Variants in SNX3 observed in about 807,000 individuals in gnomAD.
SNX3 encodes sorting nexin 3.
SNX3 carries 5 observed loss-of-function variants against 17.7 expected under a neutral mutation model. The observed-to-expected ratio is 0.28, with a 90% CI of 0.15 to 0.59. The LOEUF is 0.59. SNX3 is among the 20% of genes least tolerant of loss of function. The pLI is 0.88. For synonymous variants in SNX3, 91 were observed against 76.5 expected (o/e 1.19, Z -0.99); for missense variants, 132 against 206.8 (o/e 0.64, Z 2.22).
chr6:108,235,493 T>C (rs896487218), intron 1 of SNX3, among the ~76,000 whole-genome samples: 3 of 152,236 alleles, frequency 2.0e-5, no homozygotes, highest in Admixed American at 1.3e-4. Flanking sequence ...GGTTTTTACA[T>C]AGCAATAATC....
chr6:108,244,647 GTTTTTTTT>G (rs1021781550), intron 1 of SNX3, among the ~76,000 whole-genome samples: 5 of 87,230 alleles, frequency 5.7e-5, no homozygotes, highest in Admixed American at 1.5e-4. Flanking sequence ...TAAGTAAGGA[GTTTTTTTT>G]TTTTTTTTTT....
At chr6:108,237,464 A>G (rs1479653031) in intron 1 of SNX3, among the ~76,000 whole-genome samples, 2 of 152,182 alleles carry the variant, frequency 1.3e-5, no homozygotes, top group Admixed American at 6.6e-5. Context: ...TAGAATGCTA[A>G]TAAGTGTACA....
In SNX3 at chr6:108,211,974, C is replaced by T. The variant is rs1461766485; in HGVS notation, c.*175G>A. Reference sequence around the variant, plus strand: ...GAAAGGCTGGAATGAGGGATTTTTACTAAAGCAAATTAACTTCTTGTCAAC... The same window carrying T: ...GAAAGGCTGGAATGAGGGATTTTTATTAAAGCAAATTAACTTCTTGTCAAC... On this transcript the variant is annotated 3_prime_UTR_variant, in exon 4 of 4. Coordinates refer to ENST00000230085, the MANE Select transcript of SNX3 (RefSeq NM_003795.6). The T allele has an allele frequency of 5.8e-6, 3 of 518,176 alleles. No homozygotes were observed. Among genetic ancestry groups the T allele is most frequent in the Non-Finnish European group, 1.0e-5 (3 of 295,152 alleles). The allele number at this position is 518,176 out of a possible 1,614,324, so 32.1% of individuals were successfully genotyped here. A position where few individuals can be genotyped will look rare whatever the true frequency, so the allele number is the denominator to read the frequency against.
At chr6:108,237,903 G>A (rs1335034248) in intron 1 of SNX3, among the ~76,000 whole-genome samples, 1 of 151,406 alleles carries the variant, frequency 6.6e-6, no homozygotes, top group Non-Finnish European at 1.5e-5. Context: ...TTTGAGACCA[G>A]CCTTGGCAAC....
intron 1 of SNX3, among the ~76,000 whole-genome samples, chr6:108,237,029 T>C (rs1775366773): frequency 6.6e-6 from 1 of 152,226 alleles, no homozygotes; most frequent in African/African-American, 2.4e-5. Flanking sequence ...ATCTTTTTAT[T>C]AGAAATGGAA....
At chr6:108,255,426 T>G (rs1776000848) in intron 1 of SNX3, among the ~76,000 whole-genome samples, 1 of 152,130 alleles carries the variant, frequency 6.6e-6, no homozygotes, top group South Asian at 2.1e-4. Context: ...CGTGGCTCAC[T>G]GCAGTGTTGA....
At chr6:108,235,425 G>A (rs1775298767) in intron 1 of SNX3, among the ~76,000 whole-genome samples, 1 of 152,198 alleles carries the variant, frequency 6.6e-6, no homozygotes, top group South Asian at 2.1e-4. Context: ...TGACCAAACT[G>A]TAGAACTGTA....
At chr6:108,256,895 C>T (rs1179625308) in intron 1 of SNX3, among the ~76,000 whole-genome samples, 2 of 152,156 alleles carry the variant, frequency 1.3e-5, no homozygotes, top group Admixed American at 6.6e-5. Context: ...AAAAACATAA[C>T]ACTGTGTAAT....
At chr6:108,214,384 T>C in intron 3 of SNX3, 114 bp downstream of exon 3, 2 of 994,544 alleles carry the variant, frequency 2.0e-6, no homozygotes, top group South Asian at 1.5e-5. Context: ...TTAAATGATA[T>C]GAAAAGTTAG....
At chr6:108,248,178 C>T (rs963635107) in intron 1 of SNX3, among the ~76,000 whole-genome samples, 2 of 152,174 alleles carry the variant, frequency 1.3e-5, no homozygotes, top group African/African-American at 4.8e-5. Context: ...CTCCTGGCCC[C>T]TCAGGGCAGA....
At chr6:108,246,815 C>T (rs1582504688) in intron 1 of SNX3, among the ~76,000 whole-genome samples, 1 of 152,072 alleles carries the variant, frequency 6.6e-6, no homozygotes, top group Admixed American at 6.6e-5. Flanking sequence ...TCAAACGATC[C>T]TCCCACTTCT....
chr6:108,217,519 C>T (rs2114707594), intron 2 of SNX3, among the ~76,000 whole-genome samples: 1 of 152,150 alleles, frequency 6.6e-6, no homozygotes. Flanking sequence ...CTTCAGGAGG[C>T]CAAGGTGGGT....
chr6:108,235,732 C>T (rs992471612), intron 1 of SNX3, among the ~76,000 whole-genome samples: 1 of 152,088 alleles, frequency 6.6e-6, no homozygotes, highest in African/African-American at 2.4e-5. Flanking sequence ...CTCGTCTCTA[C>T]TAAAAATACA....
intron 1 of SNX3, among the ~76,000 whole-genome samples, chr6:108,226,656 AG>A (rs1195416015): frequency 6.6e-6 from 1 of 152,194 alleles, no homozygotes; most frequent in Non-Finnish European, 1.5e-5. Context: ...TTCACTCCTA[AG>A]AAAGTTCTAC....
chr6:108,243,860 G>A (rs1775603120), intron 1 of SNX3, among the ~76,000 whole-genome samples: 1 of 152,168 alleles, frequency 6.6e-6, no homozygotes, highest in Non-Finnish European at 1.5e-5. Context: ...ATGAACCTGG[G>A]AGGTGAAGGT....
intron 1 of SNX3, among the ~76,000 whole-genome samples, chr6:108,228,892 A>G (rs529836894): frequency 1.1e-4 from 16 of 152,352 alleles, no homozygotes; most frequent in African/African-American, 3.8e-4. Context: ...TTACAAGCTT[A>G]TATTACACAG....
At chr6:108,246,630 C>T (rs1004887109) in intron 1 of SNX3, among the ~76,000 whole-genome samples, 23 of 150,802 alleles carry the variant, frequency 1.5e-4, no homozygotes, top group Non-Finnish European at 2.7e-4. Flanking sequence ...GTATCTCCTG[C>T]CTCCCTTTTT....
intron 1 of SNX3, among the ~76,000 whole-genome samples, chr6:108,247,890 G>A (rs1775740352): frequency 6.6e-6 from 1 of 151,902 alleles, no homozygotes; most frequent in Non-Finnish European, 1.5e-5. Context: ...TTGAGCTCAG[G>A]AGTTCAAAAC....
At chr6:108,212,399 G>GTGCAGTCT in intron 3 of SNX3, 145 bp from the exon 4 acceptor site, 1 of 571,820 alleles carries the variant, frequency 1.7e-6, no homozygotes, top group South Asian at 2.0e-5. Context: ...GAGTGCAGTG[G>GTGCAGTCT]CTGATCTTGG....
Sources: allele counts gnomAD v4.1 joint callset (sites outside exome capture counted in the v4.1 genomes callset), GRCh38; gene constraint gnomAD v4.1.1; transcripts MANE v1.5; gene names NCBI Gene and HGNC (gene_info 2026-07-23, HGNC 2026-07-21).